CNTNAP5: variants seen among roughly 807,000 people sequenced by gnomAD.
The protein encoded by CNTNAP5 is contactin-associated protein-like 5.
A neutral mutation model predicts 150.2 loss-of-function variants in CNTNAP5; 72 were observed. The observed-to-expected ratio is 0.48, with a 90% CI of 0.40 to 0.58. The LOEUF (loss-of-function observed/expected upper bound fraction) is 0.58. Ranked by LOEUF, CNTNAP5 falls within the 20% of genes least tolerant of loss-of-function variation. CNTNAP5 has a pLI of 0.00. For missense variants in CNTNAP5, 1,636 were observed against 1,626.2 expected (o/e 1.01, Z -0.10); for synonymous variants, 672 against 619.8 (o/e 1.08, Z -1.25).
rs541653046 is a variant in CNTNAP5, at chr2:124,694,040, T to C, written c.2077+46082T>C. 1.2e-4 allele frequency among the ~76,000 whole-genome samples: 19 copies of C among 152,180 alleles called. No homozygotes were observed. In the South Asian group the frequency reaches 3.9e-3, roughly 32 times the overall value. Reference sequence around the variant, plus strand: ...GTATAAACAACTGTGTACACACTTATGGGCTCATTCTGTTTTGTCTGAGTG... The same window carrying C: ...GTATAAACAACTGTGTACACACTTACGGGCTCATTCTGTTTTGTCTGAGTG... On this transcript the variant is annotated intron_variant, in intron 13 of 23. Coordinates refer to ENST00000682447, the MANE Select transcript of CNTNAP5 (RefSeq NM_001367498.1).
chr2:124,397,901 G>C (rs79248330), intron 3 of CNTNAP5, among the ~76,000 whole-genome samples: 6 of 152,258 alleles, frequency 3.9e-5, no homozygotes, highest in Admixed American at 3.9e-4. Flanking sequence ...ACTTTGTAGA[G>C]CCACCAGCAA....
intron 1 of CNTNAP5, among the ~76,000 whole-genome samples, chr2:124,088,839 G>C (rs1391310678): frequency 6.6e-6 from 1 of 152,128 alleles, no homozygotes; most frequent in East Asian, 1.9e-4. Context: ...AGTGCATCTT[G>C]ATAATCTCAT....
At chr2:124,781,908 T>C (rs2104621363) in intron 17 of CNTNAP5, among the ~76,000 whole-genome samples, 1 of 152,236 alleles carries the variant, frequency 6.6e-6, no homozygotes, top group East Asian at 1.9e-4. Context: ...CAGGATGAGG[T>C]TGTTGCCCTG....
intron 7 of CNTNAP5, among the ~76,000 whole-genome samples, chr2:124,493,995 C>T (rs1487800316): frequency 2.6e-5 from 4 of 151,082 alleles, no homozygotes; most frequent in Non-Finnish European, 5.9e-5. Flanking sequence ...CACACACACA[C>T]ACACACACTC....
At chr2:124,103,733 C>T (rs1225184811) in intron 1 of CNTNAP5, among the ~76,000 whole-genome samples, 2 of 151,414 alleles carry the variant, frequency 1.3e-5, no homozygotes, top group Admixed American at 6.6e-5. Context: ...TACAAAATCA[C>T]CTAATGTCAC....
chr2:124,592,916 T>C (rs1444027940), intron 11 of CNTNAP5, among the ~76,000 whole-genome samples: 1 of 151,948 alleles, frequency 6.6e-6, no homozygotes, highest in Non-Finnish European at 1.5e-5. Flanking sequence ...TTTTTGTTTA[T>C]TGTATCTTTT....
At chr2:124,785,737 G>A (rs1681553414) in intron 17 of CNTNAP5, among the ~76,000 whole-genome samples, 1 of 152,178 alleles carries the variant, frequency 6.6e-6, no homozygotes, top group African/African-American at 2.4e-5. Flanking sequence ...ATTGTGATCA[G>A]GAATTTCAGC....
intron 7 of CNTNAP5, among the ~76,000 whole-genome samples, chr2:124,502,584 G>A (rs1281394612): frequency 6.6e-6 from 1 of 152,186 alleles, no homozygotes; most frequent in Admixed American, 6.5e-5. Context: ...CCTCAGGAAA[G>A]GAAAAGATAA....
chr2:124,641,050 C>T (rs540159325), intron 12 of CNTNAP5, among the ~76,000 whole-genome samples: 2 of 148,660 alleles, frequency 1.3e-5, no homozygotes, highest in African/African-American at 2.5e-5. Flanking sequence ...TGCTTGAACC[C>T]GGGAGGCAGA....
At chr2:124,884,651 C>T (rs1274775705) in intron 21 of CNTNAP5, among the ~76,000 whole-genome samples, 1 of 151,938 alleles carries the variant, frequency 6.6e-6, no homozygotes, top group Non-Finnish European at 1.5e-5. Context: ...AAAAAACTTT[C>T]CCATCGCTTG....
chr2:124,320,986 T>G (rs1689083602), intron 3 of CNTNAP5, among the ~76,000 whole-genome samples: 1 of 152,172 alleles, frequency 6.6e-6, no homozygotes, highest in South Asian at 2.1e-4. Flanking sequence ...TGAGGGAGAA[T>G]GGAGTCGCTA....
intron 11 of CNTNAP5, among the ~76,000 whole-genome samples, chr2:124,609,223 A>G (rs918128403): frequency 6.6e-6 from 1 of 152,180 alleles, no homozygotes. Flanking sequence ...AGGGCCATGT[A>G]AGAGGTGAGG....
chr2:124,277,107 G>T (rs1304234201), intron 3 of CNTNAP5, among the ~76,000 whole-genome samples: 1 of 152,064 alleles, frequency 6.6e-6, no homozygotes, highest in East Asian at 1.9e-4. Flanking sequence ...TATAAATGTT[G>T]CTCCCTGAAA....
intron 13 of CNTNAP5, among the ~76,000 whole-genome samples, chr2:124,676,328 CAGCCCTGCACATGTGCAT>C (rs1412916318): frequency 6.6e-6 from 1 of 152,170 alleles, no homozygotes; most frequent in African/African-American, 2.4e-5. Flanking sequence ...AGCATGTGCA[CAGCCCTGCACATGTGCAT>C]AGCCCTTCAG....
intron 1 of CNTNAP5, among the ~76,000 whole-genome samples, chr2:124,070,226 A>G (rs1682266958): frequency 1.3e-5 from 2 of 151,862 alleles, no homozygotes; most frequent in South Asian, 4.1e-4. Context: ...CCATCAGAAA[A>G]ATATCACTTT....
intron 3 of CNTNAP5, among the ~76,000 whole-genome samples, chr2:124,341,657 A>G (rs1689617635): frequency 6.6e-6 from 1 of 152,160 alleles, no homozygotes; most frequent in African/African-American, 2.4e-5. Context: ...AAGAAAAACA[A>G]AGGTTGAAGT....
intron 5 of CNTNAP5, among the ~76,000 whole-genome samples, chr2:124,445,433 A>G (rs1348726684): frequency 2.0e-5 from 3 of 152,174 alleles, no homozygotes; most frequent in Non-Finnish European, 4.4e-5. Context: ...AAAGGGAGGT[A>G]AGGAGAAAAA....
intron 1 of CNTNAP5, among the ~76,000 whole-genome samples, chr2:124,179,320 C>A (rs34050859): frequency 6.6e-6 from 1 of 151,874 alleles, no homozygotes; most frequent in African/African-American, 2.4e-5. Flanking sequence ...CCACCATGCC[C>A]GGCTAATTTT....
chr2:124,295,543 T>A (rs572787680), intron 3 of CNTNAP5, among the ~76,000 whole-genome samples: 2 of 152,368 alleles, frequency 1.3e-5, no homozygotes, highest in East Asian at 1.9e-4. Context: ...TGAGTGTGGA[T>A]CTTCTTCTGT....
Sources: gnomAD v4.1 joint callset for allele counts (sites outside exome capture counted in the v4.1 genomes callset) on GRCh38, gnomAD v4.1.1 for gene constraint, MANE v1.5 for transcripts, NCBI Gene and HGNC (gene_info 2026-07-23, HGNC 2026-07-21) for gene names.